TRAPPC9: variants seen among roughly 807,000 people sequenced by gnomAD.
The protein encoded by TRAPPC9 is trafficking protein particle complex subunit 9, also known as IKK2 binding protein.
TRAPPC9 carries 83 observed loss-of-function variants against 124.0 expected under a neutral mutation model. The observed-to-expected ratio is 0.67, with a 90% CI of 0.56 to 0.80. The LOEUF is 0.80. Ranked by LOEUF, TRAPPC9 falls within the 30% of genes least tolerant of loss-of-function variation. The pLI, the probability that TRAPPC9 is intolerant of heterozygous loss-of-function variation, is 0.00. For missense variants in TRAPPC9, 1,302 were observed against 1,508.3 expected, an observed-to-expected ratio of 0.86 and a Z score of 2.27; for synonymous variants, 638 against 617.5, an observed-to-expected ratio of 1.03 and a Z score of -0.49.
intron 19 of TRAPPC9, among the ~76,000 whole-genome samples, chr8:139,927,894 C>A (rs1192272582): frequency 6.6e-6 from 1 of 152,228 alleles, no homozygotes; most frequent in African/African-American, 2.4e-5. Context: ...ATATAAAATC[C>A]TGGAACACAA....
At chr8:140,437,867 C>A (rs1159914330) in intron 3 of TRAPPC9, among the ~76,000 whole-genome samples, 2 of 152,218 alleles carry the variant, frequency 1.3e-5, no homozygotes, top group African/African-American at 4.8e-5. Context: ...GAAGACCACA[C>A]ACAGACATCC....
chr8:140,351,386 T>C (rs1353739424), intron 9 of TRAPPC9, among the ~76,000 whole-genome samples: 1 of 150,676 alleles, frequency 6.6e-6, no homozygotes, highest in East Asian at 2.0e-4. Flanking sequence ...TTTTTTTTTT[T>C]CCTTCCCTAA....
intron 21 of TRAPPC9, among the ~76,000 whole-genome samples, chr8:139,765,527 T>C (rs991845863): frequency 6.6e-6 from 1 of 151,748 alleles, no homozygotes. Context: ...AGGATTAGAG[T>C]TAAGGGAAGA....
chr8:139,944,158 T>C (rs957863345), intron 19 of TRAPPC9, among the ~76,000 whole-genome samples: 4 of 152,110 alleles, frequency 2.6e-5, no homozygotes, highest in Admixed American at 2.0e-4. Context: ...AATAAAAACA[T>C]TTCAGATTAA....
intron 19 of TRAPPC9, among the ~76,000 whole-genome samples, chr8:139,941,277 C>T (rs763208311): frequency 2.6e-5 from 4 of 152,214 alleles, no homozygotes; most frequent in African/African-American, 4.8e-5. Flanking sequence ...GCTGCAGAAG[C>T]CTCACAGGGA....
At chr8:139,866,353 C>T (rs1587028651) in intron 21 of TRAPPC9, among the ~76,000 whole-genome samples, 1 of 152,120 alleles carries the variant, frequency 6.6e-6, no homozygotes, top group East Asian at 1.9e-4. Flanking sequence ...GGTCAGGGGG[C>T]CTTAGAACTT....
intron 1 of TRAPPC9, 119 bp downstream of exon 1, chr8:140,457,520 G>A: frequency 1.2e-6 from 1 of 846,900 alleles, no homozygotes; most frequent in Non-Finnish European, 1.4e-6. Context: ...GCTCCGCCCG[G>A]ACAGGTGAGG....
At chr8:140,389,075 A>G (rs2068847082) in intron 7 of TRAPPC9, among the ~76,000 whole-genome samples, 1 of 148,504 alleles carries the variant, frequency 6.7e-6, no homozygotes, top group African/African-American at 2.5e-5. Context: ...CTCCTGCCTC[A>G]GCCTCCCAAG....
intron 19 of TRAPPC9, among the ~76,000 whole-genome samples, chr8:139,963,060 T>C (rs945498175): frequency 5.9e-5 from 9 of 152,232 alleles, no homozygotes; most frequent in African/African-American, 1.9e-4. Context: ...ACAGCAGCAA[T>C]AGAGAACTAA....
chr8:140,125,248 G>A (rs758367453), intron 17 of TRAPPC9, among the ~76,000 whole-genome samples: 4 of 152,168 alleles, frequency 2.6e-5, no homozygotes, highest in Admixed American at 2.0e-4. Flanking sequence ...AGGGGCACTC[G>A]GAGGGAACCA....
intron 21 of TRAPPC9, among the ~76,000 whole-genome samples, chr8:139,847,378 G>A (rs1827150970): frequency 6.6e-6 from 1 of 152,250 alleles, no homozygotes; most frequent in Admixed American, 6.5e-5. Context: ...CAGTCAGAAG[G>A]AAAGACACGT....
chr8:140,155,904 A>G (rs2061620510), intron 17 of TRAPPC9, among the ~76,000 whole-genome samples: 1 of 152,230 alleles, frequency 6.6e-6, no homozygotes, highest in Admixed American at 6.5e-5. Flanking sequence ...ACTGACGATC[A>G]AGGGTATAAC....
At chr8:140,020,077 A>G (rs1009365325) in intron 18 of TRAPPC9, among the ~76,000 whole-genome samples, 1 of 152,174 alleles carries the variant, frequency 6.6e-6, no homozygotes, top group African/African-American at 2.4e-5. Flanking sequence ...TGGAATTAGT[A>G]GTAATGCCAC....
chr8:140,179,993 ATT>A (rs71520259), intron 17 of TRAPPC9, among the ~76,000 whole-genome samples: 17,657 of 89,622 alleles, frequency 0.2, 913 homozygotes, highest in African/African-American at 0.32. Flanking sequence ...TTATATCTTG[ATT>A]TTTTTTTTTT....
At chr8:139,993,217 T>C (rs1443474027) in intron 18 of TRAPPC9, among the ~76,000 whole-genome samples, 1 of 151,878 alleles carries the variant, frequency 6.6e-6, no homozygotes, top group Non-Finnish European at 1.5e-5. Context: ...CTCCTATAAA[T>C]CAGTAAGAAA....
rs1320901801 is a variant in TRAPPC9 at position 139,984,537 on chromosome 8, A to AGGAAC, written c.2810+4184_2810+4188dup. ...AGAGGTTCGGCTCAGGACTCTGGGA[A>AGGAAC]GGAACTGGATACTCAAGACACAAAG... On this transcript the variant is annotated intron_variant, in intron 19 of 22. Transcript: ENST00000438773. The surrounding 1 kb of genome is among the most constrained non-coding windows in gnomAD (Gnocchi z 4.3). Among the ~76,000 whole-genome samples the AGGAAC allele has an allele frequency of 6.6e-6, 1 of 152,142 alleles. No individual in the cohort carries two copies. The highest frequency in any genetic ancestry group is 1.5e-5 in the Non-Finnish European group (1 of 68,022).
intron 17 of TRAPPC9, among the ~76,000 whole-genome samples, chr8:140,028,943 C>A (rs1454833061): frequency 3.3e-5 from 5 of 152,164 alleles, no homozygotes; most frequent in Admixed American, 6.5e-5. Flanking sequence ...CTAAAACCTA[C>A]TTCTTGAAAA....
At chr8:139,892,317 G>A (rs779905788) in intron 20 of TRAPPC9, among the ~76,000 whole-genome samples, 13 of 152,318 alleles carry the variant, frequency 8.5e-5, no homozygotes, top group Non-Finnish European at 1.6e-4. Context: ...AGGGTAGAGG[G>A]AGGGGAGCAC....
At chr8:139,876,244 A>T (rs1551804) in intron 21 of TRAPPC9, among the ~76,000 whole-genome samples, 121,870 of 152,218 alleles carry the variant, frequency 0.8, 49,079 homozygotes, top group East Asian at 1. Flanking sequence ...CAGGCAGAGC[A>T]CTGGCTGCTG....
Sources: gnomAD v4.1 joint callset for allele counts (sites outside exome capture counted in the v4.1 genomes callset) on GRCh38, gnomAD v4.1.1 for gene constraint, Gnocchi (gnomAD v3.1) non-coding constraint, MANE v1.5 for transcripts, NCBI Gene and HGNC (gene_info 2026-07-23, HGNC 2026-07-21) for gene names.